The following UBAC2 variants were observed in gnomAD, a reference collection of about 807,000 sequenced individuals.
UBAC2 encodes the protein UBA domain containing 2, also known as ubiquitin-associated domain-containing protein 2.
In UBAC2, 26 loss-of-function variants were observed where a neutral mutation model predicts 44.0. The observed-to-expected ratio is 0.59, with a 90% CI of 0.43 to 0.82. UBAC2 has a LOEUF of 0.82. UBAC2 is among the 40% of genes least tolerant of loss of function. The probability of loss-of-function intolerance (pLI) is 0.00; values close to 1 mark genes in which losing one functional copy is unlikely to be tolerated. For missense variants in UBAC2, 329 were observed against 419.4 expected (o/e 0.78, Z 1.88); for synonymous variants, 155 against 154.3 (o/e 1.00, Z -0.04).
intron 7 of UBAC2, among the ~76,000 whole-genome samples, chr13:99,342,353 G>A (rs982875354): frequency 2.6e-5 from 4 of 152,160 alleles, no homozygotes; most frequent in African/African-American, 9.7e-5. Flanking sequence ...CGTAGGGTTA[G>A]GGCTTCAGCG....
intron 4 of UBAC2, among the ~76,000 whole-genome samples, chr13:99,250,440 C>A (rs899870448): frequency 2.8e-4 from 43 of 152,140 alleles, no homozygotes; most frequent in Non-Finnish European, 8.8e-5. Context: ...TGTACCAGTA[C>A]CATGCTGTTT....
At chr13:99,326,206 G>A in intron 6 of UBAC2, among the ~76,000 whole-genome samples, 1 of 152,268 alleles carries the variant, frequency 6.6e-6, no homozygotes, top group Non-Finnish European at 1.5e-5. Context: ...GTCTTTTGGT[G>A]TTTTTTGTTT....
chr13:99,364,387 A>G (rs61974213), intron 7 of UBAC2, among the ~76,000 whole-genome samples: 4,506 of 149,860 alleles, frequency 0.03, 91 homozygotes, highest in Middle Eastern at 0.13. Flanking sequence ...TATTTTGAAA[A>G]CATTGTTGGA....
intron 8 of UBAC2, among the ~76,000 whole-genome samples, chr13:99,381,711 C>G (rs926028840): frequency 6.6e-6 from 1 of 152,194 alleles, no homozygotes; most frequent in Admixed American, 6.5e-5. Context: ...TTCCACATGA[C>G]ACATATCCAG....
At chr13:99,279,984 AGATG>A (rs2043931499) in intron 4 of UBAC2, among the ~76,000 whole-genome samples, 1 of 152,212 alleles carries the variant, frequency 6.6e-6, no homozygotes, top group Non-Finnish European at 1.5e-5. Context: ...CACAACTGTG[AGATG>A]GATGGATTGA....
At chr13:99,245,053 T>G (rs1004317836) in intron 4 of UBAC2, among the ~76,000 whole-genome samples, 1 of 152,068 alleles carries the variant, frequency 6.6e-6, no homozygotes, top group Non-Finnish European at 1.5e-5. Flanking sequence ...AGGCTGGTCT[T>G]GAACTCCTGA....
chr13:99,220,988 T>C (rs576500217), intron 1 of UBAC2, among the ~76,000 whole-genome samples: 96 of 152,282 alleles, frequency 6.3e-4, no homozygotes, highest in Non-Finnish European at 1.2e-3. Flanking sequence ...TTTTGTATAA[T>C]AATACCACTA....
intron 7 of UBAC2, among the ~76,000 whole-genome samples, chr13:99,349,749 G>A (rs2045051525): frequency 6.6e-6 from 1 of 152,176 alleles, no homozygotes; most frequent in Non-Finnish European, 1.5e-5. Context: ...ACTTCAAAGA[G>A]GAACCAGGAG....
chr13:99,242,284 G>A (rs1355140575), intron 2 of UBAC2, among the ~76,000 whole-genome samples: 16 of 152,158 alleles, frequency 1.1e-4, no homozygotes, highest in Admixed American at 1.0e-3. Context: ...TGGCCGGGCA[G>A]AGGTGCCCCT....
intron 5 of UBAC2, among the ~76,000 whole-genome samples, chr13:99,315,553 G>A (rs558992757): frequency 6.6e-6 from 1 of 152,286 alleles, no homozygotes; most frequent in South Asian, 2.1e-4. Context: ...TTGGAGCCAG[G>A]TTGTTGAATT....
intron 4 of UBAC2, chr13:99,296,176 C>G: frequency 6.5e-7 from 1 of 1,532,296 alleles, no homozygotes; most frequent in Non-Finnish European, 8.8e-7. Flanking sequence ...AGAAAAAAAC[C>G]AAGAAGGATC....
chr13:99,240,904 C>A (rs1414374215), intron 2 of UBAC2, among the ~76,000 whole-genome samples: 1 of 152,162 alleles, frequency 6.6e-6, no homozygotes, highest in African/African-American at 2.4e-5. Context: ...ATTCTTATTT[C>A]TGTTGGCAAG....
chr13:99,385,425 T>C lies in UBAC2; in HGVS notation c.*90T>C. ...GATCAGCCCGGGGACCGAGCATCTCTGGTGCTGATGTTCTTGTGGGAAGAG... is the reference window on the plus strand; with the variant it reads ...GATCAGCCCGGGGACCGAGCATCTCCGGTGCTGATGTTCTTGTGGGAAGAG... On this transcript the variant is annotated 3_prime_UTR_variant, in exon 9 of 9. Transcript: ENST00000403766. The C allele has an allele frequency of 9.8e-7, 1 of 1,015,438 alleles. No homozygotes were observed. The highest frequency in any genetic ancestry group is 1.9e-5 in the Admixed American group (1 of 51,904). 62.9% of individuals were successfully genotyped at this position (1,015,438 alleles called of 1,614,324 possible). A position where few individuals can be genotyped will look rare whatever the true frequency, so the allele number is the denominator to read the frequency against.
At chr13:99,201,338 C>T in intron 1 of UBAC2, 1 of 1,529,778 alleles carries the variant, frequency 6.5e-7, no homozygotes, top group South Asian at 1.2e-5. Flanking sequence ...CTTGGGGGAC[C>T]GAACTAACTC....
chr13:99,332,544 G>A (rs1214215679), intron 6 of UBAC2, among the ~76,000 whole-genome samples: 2 of 152,172 alleles, frequency 1.3e-5, no homozygotes, highest in South Asian at 2.1e-4. Flanking sequence ...TGGAGCCAGC[G>A]TGGGTCTTTG....
intron 1 of UBAC2, among the ~76,000 whole-genome samples, chr13:99,228,694 G>A (rs558977953): frequency 1.3e-5 from 2 of 152,262 alleles, no homozygotes; most frequent in East Asian, 1.9e-4. Context: ...GAAATGGCTC[G>A]AGAAAGGATT....
intron 7 of UBAC2, among the ~76,000 whole-genome samples, chr13:99,358,333 T>C (rs2045217885): frequency 2.0e-5 from 3 of 152,214 alleles, no homozygotes. Context: ...TGTGTATCTA[T>C]GTGGCTGGAT....
intron 7 of UBAC2, among the ~76,000 whole-genome samples, chr13:99,354,794 G>A (rs2045151880): frequency 6.6e-6 from 1 of 152,136 alleles, no homozygotes; most frequent in African/African-American, 2.4e-5. Context: ...CACTGACCGT[G>A]GCATGCAGAT....
intron 4 of UBAC2, among the ~76,000 whole-genome samples, chr13:99,245,418 C>T (rs1032075285): frequency 5.9e-5 from 9 of 152,130 alleles, no homozygotes; most frequent in African/African-American, 1.4e-4. Context: ...GACAACCTGC[C>T]GTGGCCAACC....
Sources: allele counts gnomAD v4.1 joint callset (sites outside exome capture counted in the v4.1 genomes callset), GRCh38; gene constraint gnomAD v4.1.1; transcripts MANE v1.5; gene names NCBI Gene and HGNC (gene_info 2026-07-23, HGNC 2026-07-21).